Variants in PABPC4L observed in about 807,000 individuals in gnomAD.
The protein encoded by PABPC4L is polyadenylate-binding protein 4-like.
For synonymous variants in PABPC4L, 169 were observed against 164.1 expected, an observed-to-expected ratio of 1.03 and a Z score of -0.23; for missense variants, 452 against 451.4, an observed-to-expected ratio of 1.00 and a Z score of -0.01.
chr4:134,023,122 C>T, the PABPC4L span, among the ~76,000 whole-genome samples: 3 of 151,928 alleles, frequency 2.0e-5, no homozygotes, highest in African/African-American at 2.4e-5. Flanking sequence ...AGAACACAGA[C>T]CTAGGTATTT....
chr4:134,158,969 T>C, the PABPC4L span, among the ~76,000 whole-genome samples: 1 of 152,066 alleles, frequency 6.6e-6, no homozygotes, highest in Non-Finnish European at 1.5e-5. Flanking sequence ...AACACAATGA[T>C]CAGTATTTGT....
the PABPC4L span, among the ~76,000 whole-genome samples, chr4:134,155,291 A>G: frequency 6.6e-6 from 1 of 152,028 alleles, no homozygotes; most frequent in African/African-American, 2.4e-5. Context: ...TGTCTATTAC[A>G]TAACTTTATT....
chr4:134,112,028 G>C, the PABPC4L span, among the ~76,000 whole-genome samples: 5 of 151,936 alleles, frequency 3.3e-5, no homozygotes, highest in East Asian at 9.7e-4. Flanking sequence ...AACTATACAA[G>C]AAGTAATAAA....
At chr4:134,104,046 T>TTTAAC in the PABPC4L span, among the ~76,000 whole-genome samples, 1 of 150,972 alleles carries the variant, frequency 6.6e-6, no homozygotes, top group African/African-American at 2.4e-5. Flanking sequence ...TGTAGCTTCT[T>TTTAAC]TAGTGACATT....
the PABPC4L span, among the ~76,000 whole-genome samples, chr4:133,997,144 A>C: frequency 6.6e-6 from 1 of 152,252 alleles, no homozygotes; most frequent in East Asian, 1.9e-4. Flanking sequence ...CACCATACTG[A>C]AATTAGGTTA....
chr4:134,068,339 C>A, the PABPC4L span, among the ~76,000 whole-genome samples: 3 of 152,084 alleles, frequency 2.0e-5, no homozygotes, highest in South Asian at 2.1e-4. Flanking sequence ...ATTAAAATAG[C>A]AATCCCCGCT....
At chr4:134,031,739 A>G in the PABPC4L span, among the ~76,000 whole-genome samples, 1 of 151,920 alleles carries the variant, frequency 6.6e-6, no homozygotes, top group Non-Finnish European at 1.5e-5. Flanking sequence ...AAAAAATAAG[A>G]GAGATGATAT....
chr4:134,162,454 C>A, the PABPC4L span, among the ~76,000 whole-genome samples: 5 of 152,046 alleles, frequency 3.3e-5, no homozygotes, highest in Non-Finnish European at 7.4e-5. Context: ...GTAGACAGAT[C>A]GTCAAGGTGG....
chr4:134,188,120 T>C, the PABPC4L span, among the ~76,000 whole-genome samples: 1 of 150,790 alleles, frequency 6.6e-6, no homozygotes, highest in African/African-American at 2.4e-5. Flanking sequence ...GCAGGGGTGT[T>C]TGTGTGTGTG....
At chr4:134,153,439 A>G in the PABPC4L span, among the ~76,000 whole-genome samples, 100,589 of 151,734 alleles carry the variant, frequency 0.66, 34,170 homozygotes, top group East Asian at 1. Context: ...AAGAAATAAT[A>G]TTTACTCTAA....
the PABPC4L span, among the ~76,000 whole-genome samples, chr4:134,036,170 CA>C: frequency 6.6e-6 from 1 of 152,034 alleles, no homozygotes; most frequent in Non-Finnish European, 1.5e-5. Flanking sequence ...AAAAGTTTCT[CA>C]ATGTGCTTTC....
chr4:134,147,796 T>C, the PABPC4L span, among the ~76,000 whole-genome samples: 1 of 151,710 alleles, frequency 6.6e-6, no homozygotes, highest in Non-Finnish European at 1.5e-5. Flanking sequence ...GATGTTAAAA[T>C]AAGTGTTTGA....
the PABPC4L span, among the ~76,000 whole-genome samples, chr4:134,128,218 A>G: frequency 6.6e-6 from 1 of 152,196 alleles, no homozygotes; most frequent in African/African-American, 2.4e-5. Flanking sequence ...AATGTATCTA[A>G]AAGTTTGGAA....
chr4:134,170,561 G>A, the PABPC4L span, among the ~76,000 whole-genome samples: 1 of 152,230 alleles, frequency 6.6e-6, no homozygotes, highest in Admixed American at 6.5e-5. Flanking sequence ...ATAGCAGAAG[G>A]TGAAGGGGGA....
chr4:134,024,791 C>T, the PABPC4L span, among the ~76,000 whole-genome samples: 1 of 147,848 alleles, frequency 6.8e-6, no homozygotes, highest in Non-Finnish European at 1.5e-5. Flanking sequence ...TAAACATGTA[C>T]TGTCTTTATA....
downstream of PABPC4L, among the ~76,000 whole-genome samples, chr4:134,191,909 A>G (rs1421950986): frequency 6.6e-6 from 1 of 152,244 alleles, no homozygotes; most frequent in East Asian, 1.9e-4. Context: ...TCAGAAACAA[A>G]CAAAATTAAG....
the PABPC4L span, among the ~76,000 whole-genome samples, chr4:133,996,851 T>C: frequency 1.3e-5 from 2 of 152,140 alleles, no homozygotes; most frequent in Admixed American, 1.3e-4. Flanking sequence ...ACACAATTTG[T>C]AGGTAATTAA....
At chr4:133,963,818 G>C in the PABPC4L span, among the ~76,000 whole-genome samples, 4 of 152,196 alleles carry the variant, frequency 2.6e-5, no homozygotes, top group South Asian at 8.3e-4. Flanking sequence ...CTGGGTTACA[G>C]CAAAGGCAGT....
At chr4:134,033,732 G>A in the PABPC4L span, among the ~76,000 whole-genome samples, 2 of 151,806 alleles carry the variant, frequency 1.3e-5, no homozygotes, top group East Asian at 1.9e-4. Context: ...ATTCTATAAG[G>A]GGCTTAAGAG....
Sources: allele counts gnomAD v4.1 joint callset (sites outside exome capture counted in the v4.1 genomes callset), GRCh38; gene constraint gnomAD v4.1.1; transcripts MANE v1.5; gene names NCBI Gene and HGNC (gene_info 2026-07-23, HGNC 2026-07-21).